The following COL4A4 variants were observed in gnomAD, a reference collection of about 807,000 sequenced individuals.
COL4A4 encodes the protein collagen alpha-4(IV) chain.
Under a neutral mutation model 192.9 loss-of-function variants are expected in COL4A4, and 105 were observed. The observed-to-expected ratio is 0.54, with a 90% CI of 0.46 to 0.64. The LOEUF is 0.64. Among genes scored for constraint, COL4A4 ranks in the 30% least tolerant of loss-of-function variants. COL4A4 has a pLI of 0.00. For missense variants in COL4A4, 1,967 were observed against 2,169.3 expected, an observed-to-expected ratio of 0.91 and a Z score of 1.85; for synonymous variants, 762 against 769.9, an observed-to-expected ratio of 0.99 and a Z score of 0.17.
At chr2:227,091,326 T>A (rs2059917728) in intron 20 of COL4A4, among the ~76,000 whole-genome samples, 1 of 150,074 alleles carries the variant, frequency 6.7e-6, no homozygotes, top group Non-Finnish European at 1.5e-5. Context: ...AGCAGAAATT[T>A]AAAAATTCAG....
intron 5 of COL4A4, chr2:227,120,681 T>C (rs1275441662): frequency 3.3e-6 from 1 of 302,662 alleles, no homozygotes; most frequent in African/African-American, 2.2e-5. Context: ...CCAACGCCTG[T>C]AATTACAGCA....
At position 227,043,104 on chromosome 2, in the gene COL4A4, C is replaced by CA; in HGVS notation, c.3369dup (p.Gly1124TrpfsTer11). On this transcript the variant is annotated frameshift_variant, in exon 36 of 48. Coordinates refer to ENST00000396625, the MANE Select transcript of COL4A4 (RefSeq NM_000092.5). LOFTEE classifies it high-confidence loss of function. ...GGGCACCCTGGTGGTCCAGAGGAGC[C>CA]AGGTGGCCCTGGCCTTCCAGGTGAT... The CA allele has an allele frequency of 6.2e-7, 1 of 1,613,748 alleles. No individual in the cohort carries two copies. The highest frequency in any genetic ancestry group is 8.5e-7 in the Non-Finnish European group (1 of 1,179,974).
chr2:226,986,437 C>T, the COL4A4 span, among the ~76,000 whole-genome samples: 26 of 151,920 alleles, frequency 1.7e-4, no homozygotes, highest in Middle Eastern at 3.4e-3. Context: ...GCAACTTTTA[C>T]GTAAATTTAA....
chr2:227,147,553 T>G lies in COL4A4; in HGVS notation c.-70A>C. 7.3e-7 allele frequency: 1 copy of G among 1,363,134 alleles called. No homozygotes were observed. 84.4% of individuals were successfully genotyped at this position (1,363,134 alleles called of 1,614,324 possible). On this transcript the variant is annotated 5_prime_UTR_variant, in exon 2 of 48. Transcript: ENST00000396625. ...CTTCCAGAAGGTTCTTGTTGACAAG[T>G]GAGGTTCTGTGTTCTGGGTCAAAGT...
chr2:227,134,150 G>A (rs1027865696), intron 4 of COL4A4, among the ~76,000 whole-genome samples: 1 of 152,030 alleles, frequency 6.6e-6, no homozygotes, highest in Admixed American at 6.6e-5. Context: ...TCTGAATTCT[G>A]ATGCCTTTAA....
In COL4A4 at chr2:227,007,447, A is replaced by G. The variant is rs1454018885; in HGVS notation, c.4951T>C (p.Trp1651Arg). ...AAGTCTGCTTTCACCGTTGTGAGCC[A>G]GAAGCTATACTTATTTGCGAAAAAG... ...CHFFANKYSF[W>R]LTTVKADLQF... Residue 1651 changes from tryptophan to arginine, a missense_variant, in exon 48 of 48, where the codon TGG becomes CGG. By Grantham distance (101) the Trp-to-Arg change is moderately radical. Transcript: ENST00000396625. 1.9e-6 allele frequency: 3 copies of G among 1,614,132 alleles called. No individual in the cohort carries two copies. The highest frequency in any genetic ancestry group is 2.5e-6 in the Non-Finnish European group (3 of 1,180,054).
intron 45 of COL4A4, among the ~76,000 whole-genome samples, chr2:227,011,808 C>T (rs1963776000): frequency 6.6e-6 from 1 of 152,160 alleles, no homozygotes; most frequent in African/African-American, 2.4e-5. Context: ...ACACACACAC[C>T]GTCCCTGAGG....
In COL4A4 at chr2:227,008,211, C is replaced by A; in HGVS notation, c.4616G>T (p.Arg1539Ile). 1 of 1,614,210 alleles carries A rather than the reference C, an allele frequency of 6.2e-7. No individual in the cohort carries two copies. Among genetic ancestry groups the A allele is most frequent in the East Asian group, 2.2e-5 (1 of 44,888 alleles). Residue 1539 changes from arginine (R) to isoleucine (I), a missense_variant, in exon 47 of 48, where the codon AGA becomes ATA. Coordinates refer to ENST00000396625, the MANE Select transcript of COL4A4 (RefSeq NM_000092.5). Reference sequence around the variant, plus strand: ...CGCAGCGCTGGCCAGCCAGTAGGATCTGTCGTTTCTCTGGGCATAGTGGCA... The same window carrying A: ...CGCAGCGCTGGCCAGCCAGTAGGATATGTCGTTTCTCTGGGCATAGTGGCA... ...QVCHYAQRND[R>I]SYWLASAAPL... is the part of the protein sequence containing the mutation.
chr2:226,999,435 C>G (rs1255284444), downstream of COL4A4, among the ~76,000 whole-genome samples: 1 of 152,130 alleles, frequency 6.6e-6, no homozygotes, highest in African/African-American at 2.4e-5. Flanking sequence ...CTCAAGATTC[C>G]CACACGACCA....
chr2:227,111,532 A>T, intron 9 of COL4A4, 146 bp downstream of exon 9: 1 of 838,210 alleles, frequency 1.2e-6, no homozygotes, highest in Non-Finnish European at 2.0e-6. Flanking sequence ...TGAAATGCTT[A>T]ATAATTTTTG....
chr2:227,020,201 G>A (rs575024098), intron 44 of COL4A4, among the ~76,000 whole-genome samples: 2 of 152,272 alleles, frequency 1.3e-5, no homozygotes, highest in South Asian at 4.1e-4. Flanking sequence ...CTTCAAGTTG[G>A]AAGTTATTTT....
intron 37 of COL4A4, among the ~76,000 whole-genome samples, chr2:227,041,876 A>AAG (rs1971436498): frequency 7.3e-6 from 1 of 137,892 alleles, no homozygotes; most frequent in Admixed American, 7.1e-5. Flanking sequence ...GAAAGAAAGA[A>AAG]AGAAAGAAAG....
Position 227,059,402 on chromosome 2 carries a change from T to C in COL4A4, c.2383+3A>G, listed in dbSNP as rs1351961379. The stretch of plus-strand genomic sequence containing the variant: ...CACCAAAAGGACAGCAAAGCCCTCA[T>C]ACCTTCAGCCCCTGGACATCCCGGA... On this transcript the variant is annotated splice_donor_region_variant and intron_variant, in intron 28 of 47. Transcript: ENST00000396625. The C allele has an allele frequency of 1.9e-6, 3 of 1,613,370 alleles. No homozygotes were observed. The Admixed American group carries it at 5.0e-5, about 27-fold the overall frequency.
rs2061364364 is a variant in COL4A4, at chr2:227,114,155, A to C, written c.558+473T>G. Among the ~76,000 whole-genome samples, 8 of 152,230 alleles carry C rather than the reference A, an allele frequency of 5.3e-5. No homozygotes were observed. In the South Asian group the frequency reaches 1.7e-3, roughly 31 times the overall value. On this transcript the variant is annotated intron_variant, in intron 8 of 47. Transcript: ENST00000396625. ...GCAAGTACTAATATTACAATGTTTTAATTACAAATAAATCAGTGGTCCTCC... is the reference window on the plus strand; with the variant it reads ...GCAAGTACTAATATTACAATGTTTTCATTACAAATAAATCAGTGGTCCTCC...
intron 23 of COL4A4, among the ~76,000 whole-genome samples, chr2:227,081,244 C>A (rs1399960667): frequency 1.3e-5 from 2 of 152,144 alleles, no homozygotes; most frequent in Admixed American, 1.3e-4. Flanking sequence ...GACAGGAAGA[C>A]CTACTCCCAA....
chr2:227,108,891 ACAAAT>A, intron 10 of COL4A4, 23 bp from the exon 11 acceptor site: 6 of 1,609,736 alleles, frequency 3.7e-6, no homozygotes, highest in Non-Finnish European at 5.1e-6. Flanking sequence ...AGAAAAAAAC[ACAAAT>A]CAATCATCAG....
At chr2:227,073,469 C>T (rs983273793) in intron 25 of COL4A4, among the ~76,000 whole-genome samples, 30 of 152,044 alleles carry the variant, frequency 2.0e-4, no homozygotes, top group East Asian at 9.7e-4. Context: ...GACCACACTT[C>T]AAAAGTAATC....
At chr2:227,041,929 G>A (rs1971547457) in intron 37 of COL4A4, among the ~76,000 whole-genome samples, 1 of 135,472 alleles carries the variant, frequency 7.4e-6, no homozygotes, top group Non-Finnish European at 1.6e-5. Flanking sequence ...AAAGAAAATG[G>A]TAGCACTACC....
chr2:226,987,647 G>A, the COL4A4 span, among the ~76,000 whole-genome samples: 1 of 152,198 alleles, frequency 6.6e-6, no homozygotes, highest in African/African-American at 2.4e-5. Context: ...GCCCCCCTCT[G>A]GGTACAGATG....
Sources: allele counts gnomAD v4.1 joint callset (sites outside exome capture counted in the v4.1 genomes callset), GRCh38; gene constraint gnomAD v4.1.1; transcripts MANE v1.5; gene names NCBI Gene and HGNC (gene_info 2026-07-23, HGNC 2026-07-21).